The following PCDH15 variants were observed in gnomAD, a reference collection of about 807,000 sequenced individuals.
PCDH15 encodes protocadherin related 15.
In PCDH15, 129 loss-of-function variants were observed where a neutral mutation model predicts 178.5. The observed-to-expected ratio is 0.72, with a 90% confidence interval of 0.63 to 0.84. PCDH15 has a LOEUF of 0.84. Among genes scored for constraint, PCDH15 ranks in the 40% least tolerant of loss-of-function variants. The pLI is 0.00. For missense variants in PCDH15, 2,230 were observed against 2,099.9 expected (o/e 1.06, Z -1.21); for synonymous variants, 800 against 732.0 (o/e 1.09, Z -1.50).
intron 2 of PCDH15, among the ~76,000 whole-genome samples, chr10:55,381,623 C>G (rs936665696): frequency 1.3e-5 from 2 of 151,966 alleles, no homozygotes; most frequent in African/African-American, 2.4e-5. Context: ...AAGGTACAAG[C>G]CTGACTGAAG....
chr10:55,164,175 T>G (rs1839136182), intron 2 of PCDH15, among the ~76,000 whole-genome samples: 1 of 152,004 alleles, frequency 6.6e-6, no homozygotes, highest in Non-Finnish European at 1.5e-5. Context: ...AACTTAAGCC[T>G]TTACATGAGA....
chr10:54,870,599 C>T (rs1954018413), intron 3 of PCDH15, among the ~76,000 whole-genome samples: 1 of 151,968 alleles, frequency 6.6e-6, no homozygotes, highest in African/African-American at 2.4e-5. Context: ...TCCTGGCTAA[C>T]ACGGTGAAAA....
At chr10:55,534,005 C>T (rs1040246009) in intron 2 of PCDH15, among the ~76,000 whole-genome samples, 4 of 151,942 alleles carry the variant, frequency 2.6e-5, no homozygotes, top group Non-Finnish European at 4.4e-5. Context: ...TCAATAATTG[C>T]TGCTGAGGTA....
intron 2 of PCDH15, among the ~76,000 whole-genome samples, chr10:55,355,644 C>T (rs937282951): frequency 2.0e-5 from 3 of 151,794 alleles, no homozygotes; most frequent in Non-Finnish European, 4.4e-5. Flanking sequence ...TTTTTGTATA[C>T]AATTCTCTTG....
At chr10:55,531,079 T>A (rs1257457303) in intron 2 of PCDH15, among the ~76,000 whole-genome samples, 1 of 151,972 alleles carries the variant, frequency 6.6e-6, no homozygotes, top group East Asian at 1.9e-4. Flanking sequence ...AATGATTTTA[T>A]TTTGGCTTCA....
At chr10:55,160,243 TAG>T (rs1839027021) in intron 2 of PCDH15, among the ~76,000 whole-genome samples, 2 of 151,900 alleles carry the variant, frequency 1.3e-5, no homozygotes, top group African/African-American at 4.8e-5. Context: ...GCACAATGAC[TAG>T]AGAGTCAGCA....
intron 2 of PCDH15, among the ~76,000 whole-genome samples, chr10:54,609,127 T>C (rs563902233): frequency 3.2e-4 from 49 of 152,258 alleles, no homozygotes; most frequent in South Asian, 8.3e-4. Context: ...GTATACTCAA[T>C]TATGAAGACA....
intron 3 of PCDH15, among the ~76,000 whole-genome samples, chr10:54,383,985 ATTTTTTTTTTTTTTT>A (rs59756150): frequency 7.7e-6 from 1 of 129,160 alleles, no homozygotes. Flanking sequence ...CAAACAGTTA[ATTTTTTTTTTTTTTT>A]TTTTTTTTTT....
chr10:54,583,184 A>G (rs1205952709), intron 2 of PCDH15, among the ~76,000 whole-genome samples: 1 of 152,138 alleles, frequency 6.6e-6, no homozygotes, highest in African/African-American at 2.4e-5. Flanking sequence ...TAACTTTATG[A>G]AAATAAAATT....
intron 3 of PCDH15, among the ~76,000 whole-genome samples, chr10:54,815,843 AT>A (rs1178846584): frequency 1.3e-5 from 2 of 151,964 alleles, no homozygotes; most frequent in East Asian, 1.9e-4. Flanking sequence ...CTCTAAATGT[AT>A]TTTTTCTCCC....
At chr10:54,150,227 G>A (rs528453680) in intron 14 of PCDH15, among the ~76,000 whole-genome samples, 9 of 152,080 alleles carry the variant, frequency 5.9e-5, no homozygotes, top group South Asian at 4.1e-4. Flanking sequence ...TTTTTGACAC[G>A]AGATTCAAAG....
intron 2 of PCDH15, among the ~76,000 whole-genome samples, chr10:55,549,151 G>GT (rs1002630586): frequency 2.8e-4 from 42 of 147,374 alleles, no homozygotes; most frequent in Middle Eastern, 3.4e-3. Context: ...GAAGAAGAGG[G>GT]TTTTTTTTGT....
chr10:54,604,941 A>G (rs887523283), intron 2 of PCDH15, among the ~76,000 whole-genome samples: 5 of 151,556 alleles, frequency 3.3e-5, no homozygotes, highest in African/African-American at 9.7e-5. Flanking sequence ...TTTAAGTACT[A>G]TGGCTATTTT....
At chr10:54,573,725 T>C (rs1404141314) in intron 2 of PCDH15, among the ~76,000 whole-genome samples, 1 of 152,058 alleles carries the variant, frequency 6.6e-6, no homozygotes, top group East Asian at 1.9e-4. Context: ...CAACTTCAGA[T>C]TCTGGTAATT....
At chr10:54,164,135 A>G (rs10825246) in intron 13 of PCDH15, among the ~76,000 whole-genome samples, 47,912 of 152,028 alleles carry the variant, frequency 0.32, 8,163 homozygotes, top group African/African-American at 0.43. Context: ...GATGGTTTAT[A>G]GTTATGCTAT....
chr10:54,958,082 G>C (rs188831802), intron 2 of PCDH15, among the ~76,000 whole-genome samples: 153 of 151,776 alleles, frequency 1.0e-3, no homozygotes, highest in African/African-American at 3.6e-3. Context: ...GAGATTCAAA[G>C]TTCTTTTAAT....
chr10:55,574,602 T>C (rs1842463862), intron 2 of PCDH15, among the ~76,000 whole-genome samples: 1 of 152,050 alleles, frequency 6.6e-6, no homozygotes, highest in African/African-American at 2.4e-5. Flanking sequence ...TATATAAAAT[T>C]TTTAAACTTG....
At chr10:53,986,665 C>T (rs1465303701) in intron 21 of PCDH15, among the ~76,000 whole-genome samples, 1 of 152,076 alleles carries the variant, frequency 6.6e-6, no homozygotes, top group African/African-American at 2.4e-5. Context: ...GGAAGTACTG[C>T]CATTTGTAAC....
chr10:53,919,527 AT>A (rs1178015194), intron 25 of PCDH15, among the ~76,000 whole-genome samples: 5 of 152,178 alleles, frequency 3.3e-5, no homozygotes, highest in Non-Finnish European at 5.9e-5. Context: ...CATTGTACAT[AT>A]TATTGATTGT....
Sources: allele counts gnomAD v4.1 joint callset (sites outside exome capture counted in the v4.1 genomes callset), GRCh38; gene constraint gnomAD v4.1.1; transcripts MANE v1.5; gene names NCBI Gene and HGNC (gene_info 2026-07-23, HGNC 2026-07-21).